ZNF385B: variants seen among roughly 807,000 people sequenced by gnomAD.
The protein encoded by ZNF385B is zinc finger protein 533.
In ZNF385B, 23 loss-of-function variants were observed where a neutral mutation model predicts 39.2. The observed-to-expected ratio is 0.59, with a 90% CI of 0.42 to 0.83. The LOEUF (loss-of-function observed/expected upper bound fraction) is 0.83, where lower values mean the gene tolerates loss of function less well. ZNF385B is among the 40% of genes least tolerant of loss of function. ZNF385B has a pLI of 0.00. For synonymous variants in ZNF385B, 205 were observed against 222.6 expected (o/e 0.92, Z 0.70); for missense variants, 552 against 598.9 (o/e 0.92, Z 0.82).
At chr2:179,820,254 G>A (rs537580953) in intron 1 of ZNF385B, among the ~76,000 whole-genome samples, 1 of 152,102 alleles carries the variant, frequency 6.6e-6, no homozygotes, top group Admixed American at 6.5e-5. Flanking sequence ...ATAACACGTA[G>A]ATTTCATTAC....
chr2:179,503,150 C>A (rs1210941299), intron 5 of ZNF385B, among the ~76,000 whole-genome samples: 1 of 152,214 alleles, frequency 6.6e-6, no homozygotes, highest in African/African-American at 2.4e-5. Flanking sequence ...GTTGGGAAGA[C>A]AGGCATGAGC....
intron 3 of ZNF385B, among the ~76,000 whole-genome samples, chr2:179,643,677 G>A (rs1256233865): frequency 1.3e-5 from 2 of 152,124 alleles, no homozygotes; most frequent in Non-Finnish European, 2.9e-5. Context: ...CTATAGTGGT[G>A]GAGAAGAGCA....
At chr2:179,690,255 T>G (rs529787930) in intron 3 of ZNF385B, among the ~76,000 whole-genome samples, 3 of 152,074 alleles carry the variant, frequency 2.0e-5, no homozygotes, top group Non-Finnish European at 4.4e-5. Flanking sequence ...ACTGATGACC[T>G]TGGGTTAGAG....
intron 5 of ZNF385B, among the ~76,000 whole-genome samples, chr2:179,491,312 G>A (rs146527999): frequency 0.015 from 2,274 of 152,190 alleles, 17 homozygotes; most frequent in Non-Finnish European, 0.021. Flanking sequence ...TTCACCTTCT[G>A]GATTGGGATC....
intron 3 of ZNF385B, among the ~76,000 whole-genome samples, chr2:179,708,639 A>G (rs74422438): frequency 0.056 from 8,552 of 152,288 alleles, 313 homozygotes; most frequent in Middle Eastern, 0.085. Flanking sequence ...TAACTTATCA[A>G]GTCTGACTCT....
chr2:179,813,413 G>A (rs925402933), intron 1 of ZNF385B, among the ~76,000 whole-genome samples: 56 of 152,014 alleles, frequency 3.7e-4, no homozygotes, highest in African/African-American at 1.2e-3. Flanking sequence ...TAATAAATGC[G>A]TGAAAGTAAA....
intron 1 of ZNF385B, among the ~76,000 whole-genome samples, chr2:179,830,839 C>T (rs1482397734): frequency 1.3e-5 from 2 of 152,096 alleles, no homozygotes; most frequent in Non-Finnish European, 2.9e-5. Flanking sequence ...AAAGAGTGAA[C>T]ATTAATGCAA....
intron 4 of ZNF385B, among the ~76,000 whole-genome samples, chr2:179,524,091 C>T (rs1336691067): frequency 6.6e-6 from 1 of 152,082 alleles, no homozygotes; most frequent in South Asian, 2.1e-4. Flanking sequence ...AGCCACCCTG[C>T]CCAGCCCATA....
At position 179,483,261 on chromosome 2, in the gene ZNF385B, G is replaced by A. The variant is rs1391095864; in HGVS notation, c.715+11C>T. 1 of 1,613,638 alleles carries A rather than the reference G, an allele frequency of 6.2e-7. No homozygotes were observed. ...ACACAAAGAATGTAAAGAACAAAAA[G>A]TGTCATTGACCTGATTTGTCAGAGT... On this transcript the variant is annotated intron_variant, in intron 6 of 9. Transcript: ENST00000410066.
intron 5 of ZNF385B, among the ~76,000 whole-genome samples, chr2:179,493,723 G>A (rs1284491061): frequency 7.1e-5 from 10 of 140,064 alleles, no homozygotes; most frequent in East Asian, 6.1e-4. Context: ...ATGCATATAC[G>A]TATATACATA....
At chr2:179,734,297 T>C (rs1358777417) in intron 3 of ZNF385B, among the ~76,000 whole-genome samples, 1 of 152,218 alleles carries the variant, frequency 6.6e-6, no homozygotes, top group Non-Finnish European at 1.5e-5. Flanking sequence ...TAACTAAATC[T>C]GGTAGTGAAA....
intron 4 of ZNF385B, among the ~76,000 whole-genome samples, chr2:179,532,774 A>C (rs1179822097): frequency 1.3e-5 from 2 of 152,184 alleles, no homozygotes; most frequent in Admixed American, 6.5e-5. Context: ...ATTAGTCAAG[A>C]ATCACCAAAT....
At chr2:179,713,755 T>C (rs1234197273) in intron 3 of ZNF385B, among the ~76,000 whole-genome samples, 2 of 152,184 alleles carry the variant, frequency 1.3e-5, no homozygotes, top group Non-Finnish European at 2.9e-5. Context: ...TAAAAGCCTC[T>C]AGTTGGGTAA....
chr2:179,464,586 C>A (rs1286905919), intron 6 of ZNF385B, among the ~76,000 whole-genome samples: 4 of 152,168 alleles, frequency 2.6e-5, no homozygotes, highest in Non-Finnish European at 5.9e-5. Context: ...GTTTTCCCAA[C>A]ACCATTTATT....
At chr2:179,588,349 C>G (rs979086090) in intron 3 of ZNF385B, among the ~76,000 whole-genome samples, 1 of 152,044 alleles carries the variant, frequency 6.6e-6, no homozygotes, top group Non-Finnish European at 1.5e-5. Flanking sequence ...CGTCCTCCCC[C>G]TTCTCTCTTA....
chr2:179,720,887 G>A (rs1700646464), intron 3 of ZNF385B, among the ~76,000 whole-genome samples: 1 of 147,064 alleles, frequency 6.8e-6, no homozygotes, highest in Non-Finnish European at 1.5e-5. Flanking sequence ...AGCCTCCCAA[G>A]TAGCTGTGAC....
chr2:179,763,687 A>G (rs1449749361), intron 3 of ZNF385B, among the ~76,000 whole-genome samples: 1 of 152,076 alleles, frequency 6.6e-6, no homozygotes, highest in African/African-American at 2.4e-5. Context: ...ATATTTTACT[A>G]TGTTGTGCTT....
At chr2:179,803,113 C>T (rs357711) in intron 1 of ZNF385B, among the ~76,000 whole-genome samples, 71,796 of 151,856 alleles carry the variant, frequency 0.47, 17,806 homozygotes, top group African/African-American at 0.6. Flanking sequence ...GGCCAGAGAG[C>T]TTAAGTAACT....
At chr2:179,715,139 C>T (rs1038037050) in intron 3 of ZNF385B, among the ~76,000 whole-genome samples, 1 of 152,040 alleles carries the variant, frequency 6.6e-6, no homozygotes, top group African/African-American at 2.4e-5. Flanking sequence ...CTCACTCACT[C>T]ACAAATAACC....
Sources: allele counts gnomAD v4.1 joint callset (sites outside exome capture counted in the v4.1 genomes callset), GRCh38; gene constraint gnomAD v4.1.1; transcripts MANE v1.5; gene names NCBI Gene and HGNC (gene_info 2026-07-23, HGNC 2026-07-21).